Variants in PALM2AKAP2 observed in about 807,000 individuals in gnomAD.
PALM2AKAP2 encodes the protein PALM2-AKAP2 fusion protein.
Under a neutral mutation model 71.5 loss-of-function variants are expected in PALM2AKAP2, and 37 were observed. The observed-to-expected ratio is 0.52, with a 90% CI of 0.40 to 0.68. The LOEUF (loss-of-function observed/expected upper bound fraction) is 0.68, where lower values mean the gene tolerates loss of function less well. Ranked by LOEUF, PALM2AKAP2 falls within the 30% of genes least tolerant of loss-of-function variation. The pLI, the probability that PALM2AKAP2 is intolerant of heterozygous loss-of-function variation, is 0.00. For synonymous variants in PALM2AKAP2, 468 were observed against 478.8 expected, an observed-to-expected ratio of 0.98 and a Z score of 0.29; for missense variants, 1,224 against 1,191.8, an observed-to-expected ratio of 1.03 and a Z score of -0.40.
rs186062679 is a variant in PALM2AKAP2, at chr9:110,130,114, G to A, written c.157-6013G>A. Among the ~76,000 whole-genome samples the A allele has an allele frequency of 3.3e-3, 506 of 152,276 alleles. 1 individual carries two copies. Among genetic ancestry groups the A allele is most frequent in the Non-Finnish European group, 3.6e-3 (245 of 68,018 alleles). ...AAGAAAATCAGTCTGCTGCCAGAAA[G>A]AATATAATACCTGTCATTTAAACCT... On this transcript the variant is annotated intron_variant, in intron 1 of 3. Transcript: ENST00000374525.
intron 1 of PALM2AKAP2, among the ~76,000 whole-genome samples, chr9:110,067,695 C>T (rs936598149): frequency 2.0e-5 from 3 of 152,140 alleles, no homozygotes; most frequent in Non-Finnish European, 2.9e-5. Context: ...AACTTTCTTT[C>T]GGATATTGCT....
intron 7 of PALM2AKAP2, among the ~76,000 whole-genome samples, chr9:110,034,981 A>G (rs1438389394): frequency 1.3e-5 from 2 of 151,846 alleles, no homozygotes; most frequent in Admixed American, 6.6e-5. Context: ...AAAGAATGCC[A>G]TAGCTAATGG....
intron 2 of PALM2AKAP2, among the ~76,000 whole-genome samples, chr9:110,147,612 C>T (rs949249990): frequency 2.6e-5 from 4 of 152,030 alleles, no homozygotes; most frequent in Non-Finnish European, 4.4e-5. Flanking sequence ...CCTGTTTCTA[C>T]GGGGGGAAAA....
At chr9:110,145,891 C>CTTTTTTTT (rs61137720) in intron 2 of PALM2AKAP2, among the ~76,000 whole-genome samples, 17 of 64,498 alleles carry the variant, frequency 2.6e-4, no homozygotes, top group African/African-American at 3.3e-4. Flanking sequence ...CCTCACTCTT[C>CTTTTTTTT]TTTTTTTTTT....
At chr9:110,040,165 C>T (rs1426096872) in intron 7 of PALM2AKAP2, among the ~76,000 whole-genome samples, 2 of 152,064 alleles carry the variant, frequency 1.3e-5, no homozygotes, top group East Asian at 1.9e-4. Flanking sequence ...GTATTATAAG[C>T]TATTGTGGTT....
chr9:110,167,358 A>G (rs1431133912), intron 3 of PALM2AKAP2, among the ~76,000 whole-genome samples: 4 of 152,266 alleles, frequency 2.6e-5, no homozygotes, highest in African/African-American at 4.8e-5. Flanking sequence ...CAGAAACTGT[A>G]CATCCTAAGC....
chr9:109,680,699 ATAAC>A (rs1391733615), intron 1 of PALM2AKAP2, among the ~76,000 whole-genome samples: 1 of 152,242 alleles, frequency 6.6e-6, no homozygotes, highest in African/African-American at 2.4e-5. Flanking sequence ...AGCAAATAGA[ATAAC>A]TAATTTAAAA....
chr9:109,956,190 A>G (rs1831743755), intron 6 of PALM2AKAP2, among the ~76,000 whole-genome samples: 1 of 151,850 alleles, frequency 6.6e-6, no homozygotes, highest in African/African-American at 2.4e-5. Flanking sequence ...TTTTTAGTAG[A>G]GATGGGGTTT....
upstream of PALM2AKAP2, among the ~76,000 whole-genome samples, chr9:110,045,164 A>C (rs1458605730): frequency 6.6e-6 from 1 of 152,048 alleles, no homozygotes; most frequent in Non-Finnish European, 1.5e-5. Flanking sequence ...AGAAATCTTC[A>C]TCTCCTCTCC....
At chr9:110,123,598 T>C (rs1451329232) in intron 1 of PALM2AKAP2, among the ~76,000 whole-genome samples, 1 of 152,170 alleles carries the variant, frequency 6.6e-6, no homozygotes, top group Non-Finnish European at 1.5e-5. Flanking sequence ...TGTGTGTGGG[T>C]GGAGCATATG....
intron 1 of PALM2AKAP2, among the ~76,000 whole-genome samples, chr9:109,839,540 G>A (rs1158121001): frequency 6.6e-6 from 1 of 152,106 alleles, no homozygotes; most frequent in African/African-American, 2.4e-5. Context: ...GGCCAGGGCA[G>A]TCAGGCAGGA....
rs542915369 is a variant in PALM2AKAP2 at position 109,723,648 on chromosome 9, G to A, written c.6-56840G>A. ...TATCACTTTTCAAGTGGAAACAAGC[G>A]GAAAAAGAAAAAGGCATTTAACAAG... is the stretch of plus-strand genomic sequence containing the variant. On this transcript the variant is annotated intron_variant, in intron 1 of 6. Coordinates refer to the PALM2AKAP2 transcript ENST00000374531. 2.6e-5 allele frequency among the ~76,000 whole-genome samples: 4 copies of A among 152,146 alleles called. No individual in the cohort carries two copies. In the South Asian group the frequency reaches 6.2e-4, roughly 24 times the overall value.
At chr9:109,672,861 A>G (rs1256873026) in intron 1 of PALM2AKAP2, among the ~76,000 whole-genome samples, 2 of 150,262 alleles carry the variant, frequency 1.3e-5, no homozygotes. Flanking sequence ...GAATTTATCC[A>G]TTTCTTCTAC....
At chr9:110,105,404 C>A (rs1343375491) in intron 1 of PALM2AKAP2, among the ~76,000 whole-genome samples, 1 of 152,122 alleles carries the variant, frequency 6.6e-6, no homozygotes, top group African/African-American at 2.4e-5. Context: ...GAATTAACTT[C>A]AGTGAACTTG....
Position 110,014,804 on chromosome 9 carries a change from ATGTATATATATATAT to A in PALM2AKAP2, c.497-1149_497-1135del, listed in dbSNP as rs1475311369. 4.2e-3 allele frequency among the ~76,000 whole-genome samples: 18 copies of A among 4,294 alleles called. 1 individual carries two copies. The highest frequency in any genetic ancestry group is 8.1e-3 in the African/African-American group (14 of 1,736). 2.8% of individuals were successfully genotyped at this position (4,294 alleles called of 152,430 possible). A position where few individuals can be genotyped will look rare whatever the true frequency, so the allele number is the denominator to read the frequency against. On this transcript the variant is annotated intron_variant, in intron 6 of 9. Coordinates refer to the PALM2AKAP2 transcript ENST00000302798. Reference sequence around the variant, plus strand: ...CAAAAAAAAAAAAAAAAAAAAAAAAATGTATATATATATATATATATATATATATATATATATATA... The same window carrying A: ...CAAAAAAAAAAAAAAAAAAAAAAAAAATATATATATATATATATATATATA...
At chr9:109,984,804 G>C (rs188261125) in intron 6 of PALM2AKAP2, among the ~76,000 whole-genome samples, 15 of 151,742 alleles carry the variant, frequency 9.9e-5, no homozygotes, top group African/African-American at 1.7e-4. Context: ...CCAGGAGTTC[G>C]AGGTTTACAA....
intron 3 of PALM2AKAP2, among the ~76,000 whole-genome samples, chr9:109,917,010 A>G (rs1830709195): frequency 6.6e-6 from 1 of 152,264 alleles, no homozygotes; most frequent in Non-Finnish European, 1.5e-5. Context: ...TAGAGTTTCC[A>G]AACAGCTGAC....
exon 2 of PALM2AKAP2, chr9:110,137,303 T>A: frequency 6.2e-7 from 1 of 1,614,192 alleles, no homozygotes; most frequent in African/African-American, 1.3e-5. Context: ...CAAGCCTTTC[T>A]ACAGGCCTCT....
intron 6 of PALM2AKAP2, among the ~76,000 whole-genome samples, chr9:109,948,462 C>T (rs529911607): frequency 6.6e-6 from 1 of 152,298 alleles, no homozygotes; most frequent in African/African-American, 2.4e-5. Flanking sequence ...AGACTTTCTG[C>T]ATCAAAGATC....
Sources: gnomAD v4.1 joint callset for allele counts (sites outside exome capture counted in the v4.1 genomes callset) on GRCh38, gnomAD v4.1.1 for gene constraint, MANE v1.5 for transcripts, NCBI Gene and HGNC (gene_info 2026-07-23, HGNC 2026-07-21) for gene names.